Variants in HEMK2 observed in about 807,000 individuals in gnomAD.
The protein encoded by HEMK2 is methyltransferase HEMK2.
chr21:28,649,757 G>A, the HEMK2 span, among the ~76,000 whole-genome samples: 1 of 152,134 alleles, frequency 6.6e-6, no homozygotes. Flanking sequence ...CAGAGGCCAA[G>A]GGAACAACAA....
At chr21:28,643,108 G>A in the HEMK2 span, among the ~76,000 whole-genome samples, 1 of 152,154 alleles carries the variant, frequency 6.6e-6, no homozygotes, top group East Asian at 1.9e-4. Flanking sequence ...CTTTGGACAG[G>A]CATGTGTTCC....
At chr21:28,629,690 C>T in the HEMK2 span, among the ~76,000 whole-genome samples, 1 of 152,188 alleles carries the variant, frequency 6.6e-6, no homozygotes, top group Non-Finnish European at 1.5e-5. Context: ...ACTGTAGCTG[C>T]CATCTCTAAT....
the HEMK2 span, among the ~76,000 whole-genome samples, chr21:28,614,275 G>A: frequency 6.6e-6 from 1 of 151,940 alleles, no homozygotes; most frequent in African/African-American, 2.4e-5. Context: ...CTTTACACTA[G>A]ACTGATATTC....
the HEMK2 span, among the ~76,000 whole-genome samples, chr21:28,787,182 C>T: frequency 6.6e-6 from 1 of 152,156 alleles, no homozygotes; most frequent in Admixed American, 6.5e-5. Context: ...GAAACTTGAT[C>T]CTCATCTCTC....
the HEMK2 span, among the ~76,000 whole-genome samples, chr21:28,731,847 G>A: frequency 5.3e-4 from 81 of 152,252 alleles, no homozygotes; most frequent in Non-Finnish European, 1.1e-3. Flanking sequence ...GGAGCCACCT[G>A]CAAGCTGTCT....
chr21:28,634,633 A>T, the HEMK2 span, among the ~76,000 whole-genome samples: 1 of 152,162 alleles, frequency 6.6e-6, no homozygotes, highest in Non-Finnish European at 1.5e-5. Flanking sequence ...ATGAAAACAG[A>T]CATTAGAAAT....
chr21:28,868,334 G>A, the HEMK2 span, among the ~76,000 whole-genome samples: 2 of 152,144 alleles, frequency 1.3e-5, no homozygotes, highest in African/African-American at 4.8e-5. Context: ...CTTTATAACA[G>A]TGAATCTTCC....
At chr21:28,865,274 T>G in the HEMK2 span, among the ~76,000 whole-genome samples, 1 of 152,210 alleles carries the variant, frequency 6.6e-6, no homozygotes, top group African/African-American at 2.4e-5. Context: ...CAAGTGATTC[T>G]CCTCCCTCAG....
At chr21:28,787,140 T>G in the HEMK2 span, among the ~76,000 whole-genome samples, 6 of 152,226 alleles carry the variant, frequency 3.9e-5, no homozygotes, top group Non-Finnish European at 8.8e-5. Context: ...CAAATGGTGC[T>G]GGGATAATTG....
the HEMK2 span, among the ~76,000 whole-genome samples, chr21:28,864,279 G>A: frequency 1.3e-5 from 2 of 152,208 alleles, no homozygotes; most frequent in Non-Finnish European, 2.9e-5. Flanking sequence ...AGATGAGAGA[G>A]AGAGAGCTAT....
the HEMK2 span, among the ~76,000 whole-genome samples, chr21:28,754,900 G>C: frequency 6.6e-6 from 1 of 152,186 alleles, no homozygotes; most frequent in Non-Finnish European, 1.5e-5. Context: ...CTGTGATCCA[G>C]GCTTTAGAAG....
the HEMK2 span, among the ~76,000 whole-genome samples, chr21:28,783,765 C>T: frequency 0.016 from 2,459 of 152,228 alleles, 70 homozygotes; most frequent in African/African-American, 0.055. Context: ...GGGAGCAGCG[C>T]GGGCAGAAAT....
At chr21:28,882,871 T>C in the HEMK2 span, 1 of 621,488 alleles carries the variant, frequency 1.6e-6, no homozygotes, top group African/African-American at 1.9e-5. Context: ...GTAATCTGAG[T>C]TTTTGCTATG....
chr21:28,872,425 A>AT, the HEMK2 span: 4 of 152,180 alleles, frequency 2.6e-5, no homozygotes, highest in Non-Finnish European at 5.9e-5. Flanking sequence ...GAGAAATGGA[A>AT]TCTTTCACAG....
the HEMK2 span, among the ~76,000 whole-genome samples, chr21:28,689,996 A>T: frequency 6.6e-6 from 1 of 152,314 alleles, no homozygotes; most frequent in South Asian, 2.1e-4. Context: ...GTGGATTCAC[A>T]GTTCCTCATG....
chr21:28,809,286 G>A, the HEMK2 span, among the ~76,000 whole-genome samples: 1 of 152,104 alleles, frequency 6.6e-6, no homozygotes, highest in African/African-American at 2.4e-5. Context: ...TCCAAATATA[G>A]AGGCAGAGAA....
the HEMK2 span, among the ~76,000 whole-genome samples, chr21:28,603,537 C>A: frequency 8.4e-6 from 1 of 119,266 alleles, no homozygotes; most frequent in African/African-American, 3.2e-5. Context: ...TATTATTTTA[C>A]TGAGGATATA....
chr21:28,736,512 T>C, the HEMK2 span, among the ~76,000 whole-genome samples: 2 of 152,102 alleles, frequency 1.3e-5, no homozygotes, highest in Non-Finnish European at 2.9e-5. Context: ...TCCCAACACT[T>C]TGGGAGGCCG....
chr21:28,786,570 C>T, the HEMK2 span, among the ~76,000 whole-genome samples: 3 of 151,342 alleles, frequency 2.0e-5, no homozygotes, highest in Non-Finnish European at 4.4e-5. Flanking sequence ...ACTTGGGAGG[C>T]TGAAGCACAA....
Sources: gnomAD v4.1 joint callset for allele counts (sites outside exome capture counted in the v4.1 genomes callset) on GRCh38, gnomAD v4.1.1 for gene constraint, MANE v1.5 for transcripts, NCBI Gene and HGNC (gene_info 2026-07-23, HGNC 2026-07-21) for gene names.